Variants in BIRC6 observed in about 807,000 individuals in gnomAD.
BIRC6 encodes the protein dual E2 ubiquitin-conjugating enzyme/E3 ubiquitin-protein ligase BIRC6.
Under a neutral mutation model 503.3 loss-of-function variants are expected in BIRC6, and 98 were observed. That is an observed-to-expected ratio of 0.19 (90% confidence interval 0.17 to 0.23). The LOEUF (loss-of-function observed/expected upper bound fraction) is 0.23. Ranked by LOEUF, BIRC6 falls within the 10% of genes least tolerant of loss-of-function variation. The pLI, the probability that BIRC6 is intolerant of heterozygous loss-of-function variation, is 1.00. For synonymous variants in BIRC6, 2,240 were observed against 2,078.7 expected (o/e 1.08, Z -2.11); for missense variants, 5,360 against 5,806.0 (o/e 0.92, Z 2.50).
intron 37 of BIRC6, among the ~76,000 whole-genome samples, chr2:32,480,597 A>G (rs947097304): frequency 2.1e-5 from 3 of 146,328 alleles, no homozygotes; most frequent in African/African-American, 7.6e-5. Context: ...TTTCTAATTC[A>G]TAACAGAAAA....
chr2:32,612,565 G>GT (rs1164892526), intron 73 of BIRC6, among the ~76,000 whole-genome samples: 2 of 151,976 alleles, frequency 1.3e-5, no homozygotes, highest in African/African-American at 2.4e-5. Context: ...GGATTTGTTA[G>GT]TTTTTTAGGT....
rs1442233386 is a variant in BIRC6, at chr2:32,408,642, C to A, written c.1477+2085C>A. ...GGCCAATTTTCTTACCCTTTTTCTACCTTTATTCTTTTCATCTATGCCTGT... is the reference window on the plus strand; with the variant it reads ...GGCCAATTTTCTTACCCTTTTTCTAACTTTATTCTTTTCATCTATGCCTGT... On this transcript the variant is annotated intron_variant, in intron 9 of 73. Coordinates refer to ENST00000421745, the MANE Select transcript of BIRC6 (RefSeq NM_016252.4). 2.6e-5 allele frequency among the ~76,000 whole-genome samples: 4 copies of A among 152,146 alleles called. No individual in the cohort carries two copies. In the East Asian group the frequency reaches 5.8e-4, roughly 22 times the overall value.
At chr2:32,464,392 C>T in intron 24 of BIRC6, 117 bp from the exon 25 acceptor site, 2 of 1,241,450 alleles carry the variant, frequency 1.6e-6, no homozygotes, top group Non-Finnish European at 1.1e-6. Flanking sequence ...TTAATTTCAT[C>T]TTTAAGTATG....
intron 1 of BIRC6, 145 bp from the exon 2 acceptor site, chr2:32,377,443 C>G (rs182004894): frequency 4.0e-6 from 2 of 505,904 alleles, no homozygotes; most frequent in Non-Finnish European, 6.5e-6. Flanking sequence ...ATCCAGTTGG[C>G]CCAATAATGT....
At chr2:32,472,863 C>T (rs2049259813) in intron 32 of BIRC6, 2 of 297,472 alleles carry the variant, frequency 6.7e-6, no homozygotes, top group South Asian at 6.5e-5. Flanking sequence ...TAGCTATTAT[C>T]TAAATGAAAG....
intron 21 of BIRC6, 86 bp from the exon 22 acceptor site, chr2:32,448,709 T>G: frequency 7.8e-7 from 1 of 1,283,656 alleles, no homozygotes. Flanking sequence ...GCGCTGTTAG[T>G]CAGACTGCTT....
intron 6 of BIRC6, among the ~76,000 whole-genome samples, chr2:32,399,416 A>C (rs960792036): frequency 6.6e-6 from 1 of 152,052 alleles, no homozygotes; most frequent in Non-Finnish European, 1.5e-5. Context: ...GGGTCTTGCT[A>C]TATTGTCCAG....
intron 51 of BIRC6, among the ~76,000 whole-genome samples, chr2:32,508,626 G>A (rs2054060741): frequency 6.6e-6 from 1 of 152,086 alleles, no homozygotes; most frequent in Non-Finnish European, 1.5e-5. Context: ...CTTAGAAACA[G>A]CGACCTAGTC....
chr2:32,604,717 C>T (rs2062313060), intron 71 of BIRC6, among the ~76,000 whole-genome samples: 1 of 152,036 alleles, frequency 6.6e-6, no homozygotes, highest in South Asian at 2.1e-4. Context: ...GTACACAAAA[C>T]ACTCATTCTT....
At chr2:32,606,989 A>G (rs2062505541) in intron 71 of BIRC6, among the ~76,000 whole-genome samples, 1 of 151,778 alleles carries the variant, frequency 6.6e-6, no homozygotes, top group Non-Finnish European at 1.5e-5. Flanking sequence ...CCTGGGTGAC[A>G]AGAGTGAAAC....
intron 66 of BIRC6, among the ~76,000 whole-genome samples, chr2:32,587,066 C>T (rs1167660540): frequency 6.6e-6 from 1 of 152,132 alleles, no homozygotes; most frequent in Non-Finnish European, 1.5e-5. Flanking sequence ...AGCTTCTGAG[C>T]TGGTTCTAAT....
At chr2:32,542,999 C>T (rs532134480) in intron 61 of BIRC6, among the ~76,000 whole-genome samples, 9 of 151,712 alleles carry the variant, frequency 5.9e-5, no homozygotes, top group Admixed American at 1.3e-4. Flanking sequence ...GGTGTTTCAC[C>T]GTGTTGGCCA....
intron 61 of BIRC6, among the ~76,000 whole-genome samples, chr2:32,540,139 C>G (rs1215422673): frequency 2.0e-5 from 3 of 151,996 alleles, no homozygotes; most frequent in Non-Finnish European, 4.4e-5. Context: ...ATCAAACATA[C>G]AGAATTTTTA....
intron 41 of BIRC6, 113 bp downstream of exon 41, chr2:32,487,914 T>C: frequency 2.4e-6 from 2 of 849,924 alleles, no homozygotes; most frequent in Non-Finnish European, 3.6e-6. Flanking sequence ...CTTTATTATA[T>C]TCAGTTGGAA....
chr2:32,413,573 C>A (rs147172918), intron 9 of BIRC6, among the ~76,000 whole-genome samples: 18 of 152,142 alleles, frequency 1.2e-4, no homozygotes, highest in Admixed American at 3.3e-4. Flanking sequence ...CCTACCTCAA[C>A]CTCCCAAAGT....
intron 40 of BIRC6, among the ~76,000 whole-genome samples, chr2:32,486,376 T>C (rs879527435): frequency 2.6e-5 from 4 of 152,254 alleles, no homozygotes; most frequent in Admixed American, 6.5e-5. Context: ...TGAATGGGTA[T>C]GGCTGTGTTA....
Position 32,533,425 on chromosome 2 carries a change from T to C in BIRC6, c.12291+1874T>C, listed in dbSNP as rs1185513998. ...ATAGTGAAATGTGCGAGGAAAGATA[T>C]AAATTGAGAGAAGAACTGTTGAAAA... On this transcript the variant is annotated intron_variant, in intron 61 of 73. Coordinates refer to ENST00000421745, the MANE Select transcript of BIRC6 (RefSeq NM_016252.4). 2.6e-5 allele frequency among the ~76,000 whole-genome samples: 4 copies of C among 152,334 alleles called. No individual in the cohort carries two copies. The South Asian group carries it at 6.2e-4, about 24-fold the overall frequency.
At chr2:32,576,354 T>C (rs2060263109) in intron 66 of BIRC6, among the ~76,000 whole-genome samples, 1 of 152,222 alleles carries the variant, frequency 6.6e-6, no homozygotes, top group Non-Finnish European at 1.5e-5. Flanking sequence ...CAAAACTCTT[T>C]TTTAAATAAC....
rs35781598 is a variant in BIRC6, at chr2:32,513,122, C to G, written c.10536C>G (p.Asp3512Glu). 3 of 1,613,728 alleles carry G rather than the reference C, an allele frequency of 1.9e-6. No individual in the cohort carries two copies. The change falls in exon 54 of 74, where the codon GAC becomes GAG. Residue 3512 changes from aspartate (D) to glutamate (E), a missense_variant. By Grantham distance (45) the Asp-to-Glu change is conservative. Around this residue, in one of 16 missense-constraint regions of BIRC6, gnomAD observed 878 missense variants for 928.9 expected, o/e 0.95. Coordinates refer to ENST00000421745, the MANE Select transcript of BIRC6 (RefSeq NM_016252.4). ...GTTATGAGCTGCTTGTAGAATATGA[C>G]TTACCAGCACTCCTGGACCAAGAGC... Reference protein sequence around the residue: ...WHSYELLVEYDLPALLDQELF... With the variant: ...WHSYELLVEYELPALLDQELF...
Sources: gnomAD v4.1 joint callset for allele counts (sites outside exome capture counted in the v4.1 genomes callset) on GRCh38, gnomAD v4.1.1 for gene constraint, gnomAD v4.1.1 regional missense constraint, MANE v1.5 for transcripts, NCBI Gene and HGNC (gene_info 2026-07-23, HGNC 2026-07-21) for gene names.